The following MB21D2 variants were observed in gnomAD, a reference collection of about 807,000 sequenced individuals.
MB21D2 encodes the protein nucleotidyltransferase MB21D2.
In MB21D2, 9 loss-of-function variants were observed where a neutral mutation model predicts 33.3. That is an observed-to-expected ratio of 0.27 (90% CI 0.16 to 0.47). MB21D2 has a LOEUF of 0.47. Among genes scored for constraint, MB21D2 ranks in the 20% least tolerant of loss-of-function variants. The pLI is 0.99. For synonymous variants in MB21D2, 241 were observed against 236.3 expected, an observed-to-expected ratio of 1.02 and a Z score of -0.18; for missense variants, 540 against 624.6, an observed-to-expected ratio of 0.86 and a Z score of 1.44.
At chr3:192,809,364 G>C (rs777600034) in intron 1 of MB21D2, among the ~76,000 whole-genome samples, 2 of 152,138 alleles carry the variant, frequency 1.3e-5, no homozygotes, top group Non-Finnish European at 2.9e-5. Flanking sequence ...CAAAGTGCTG[G>C]GATTACAGGC....
chr3:192,848,468 C>G (rs1560238318), intron 1 of MB21D2, among the ~76,000 whole-genome samples: 1 of 152,218 alleles, frequency 6.6e-6, no homozygotes, highest in African/African-American at 2.4e-5. Context: ...AACTGTACTA[C>G]TATAGATGCA....
intron 1 of MB21D2, among the ~76,000 whole-genome samples, chr3:192,864,255 G>T (rs577532393): frequency 7.0e-4 from 106 of 152,282 alleles, no homozygotes; most frequent in Middle Eastern, 3.4e-3. Context: ...GATAAATGTG[G>T]GGAATAAGGA....
chr3:192,911,421 C>A (rs972381755), intron 1 of MB21D2, among the ~76,000 whole-genome samples: 1 of 152,160 alleles, frequency 6.6e-6, no homozygotes, highest in Non-Finnish European at 1.5e-5. Context: ...GCTCATTAGG[C>A]TCAGCAGCTT....
chr3:192,811,443 C>T (rs1044961642), intron 1 of MB21D2, among the ~76,000 whole-genome samples: 2 of 152,168 alleles, frequency 1.3e-5, no homozygotes, highest in East Asian at 1.9e-4. Flanking sequence ...ATATGGACAA[C>T]TGGCCATGAG....
At chr3:192,873,421 G>A (rs1019416088) in intron 1 of MB21D2, among the ~76,000 whole-genome samples, 5 of 152,068 alleles carry the variant, frequency 3.3e-5, no homozygotes, top group East Asian at 1.9e-4. Flanking sequence ...TCTCAGGACC[G>A]CAAGTAACCA....
At chr3:192,879,794 T>C (rs928850949) in intron 1 of MB21D2, among the ~76,000 whole-genome samples, 5 of 152,214 alleles carry the variant, frequency 3.3e-5, no homozygotes, top group African/African-American at 9.6e-5. Context: ...TTGCAGAGAA[T>C]ACCCATAGCG....
intron 1 of MB21D2, among the ~76,000 whole-genome samples, chr3:192,808,925 AAAG>A (rs1181730639): frequency 6.6e-6 from 1 of 152,256 alleles, no homozygotes; most frequent in Admixed American, 6.5e-5. Context: ...CATAACAGCA[AAAG>A]AAGAGCTGAG....
chr3:192,903,632 T>C (rs950319222), intron 1 of MB21D2, among the ~76,000 whole-genome samples: 1 of 152,210 alleles, frequency 6.6e-6, no homozygotes, highest in African/African-American at 2.4e-5. Context: ...ATAGTACTAA[T>C]AGAGTTTGGA....
At chr3:192,903,028 G>A (rs1343919260) in intron 1 of MB21D2, among the ~76,000 whole-genome samples, 3 of 152,206 alleles carry the variant, frequency 2.0e-5, no homozygotes, top group Admixed American at 1.3e-4. Flanking sequence ...AATACACCTT[G>A]CCTATGAGGC....
chr3:192,810,009 C>G (rs554443704), intron 1 of MB21D2, among the ~76,000 whole-genome samples: 2 of 152,194 alleles, frequency 1.3e-5, no homozygotes, highest in Non-Finnish European at 2.9e-5. Flanking sequence ...GTCATATCCC[C>G]TAAGTTTATA....
At position 192,797,494 on chromosome 3, in the gene MB21D2, G is replaced by C. The variant is rs183792216; in HGVS notation, c.*892C>G. The C allele has an allele frequency of 1.4e-4, 21 of 152,682 alleles. No individual in the cohort carries two copies. The highest frequency in any genetic ancestry group is 4.8e-4 in the African/African-American group (20 of 41,544). 9.5% of individuals were successfully genotyped at this position (152,682 alleles called of 1,614,324 possible). ...AAAGCAGGACCCCACAACTGAAGGA[G>C]AACTAAGCAAATGCAAAGAATCATT... On this transcript the variant is annotated 3_prime_UTR_variant, in exon 2 of 2. Coordinates refer to ENST00000392452, the MANE Select transcript of MB21D2 (RefSeq NM_178496.4).
At chr3:192,895,386 CTAATA>C (rs1713943908) in intron 1 of MB21D2, among the ~76,000 whole-genome samples, 1 of 152,186 alleles carries the variant, frequency 6.6e-6, no homozygotes, top group African/African-American at 2.4e-5. Flanking sequence ...GTAAAAATTA[CTAATA>C]TAAGCATCCG....
intron 1 of MB21D2, among the ~76,000 whole-genome samples, chr3:192,874,049 C>T (rs747900364): frequency 1.2e-4 from 19 of 152,166 alleles, no homozygotes; most frequent in Non-Finnish European, 1.8e-4. Context: ...TTAAAAATGT[C>T]TGTTGATTCC....
intron 1 of MB21D2, among the ~76,000 whole-genome samples, chr3:192,808,934 C>T (rs908901696): frequency 3.9e-5 from 6 of 152,248 alleles, no homozygotes; most frequent in African/African-American, 1.4e-4. Context: ...AAAAGAAGAG[C>T]TGAGTTTATA....
Position 192,836,642 on chromosome 3 carries a change from C to T in MB21D2, c.212-36992G>A, listed in dbSNP as rs189826051. On this transcript the variant is annotated intron_variant, in intron 1 of 1. Transcript: ENST00000392452. ...GGGGCCTCAGGAGAAACCACACCTA[C>T]TGACACCTTGAACTTAGACTTCCAG... Among the ~76,000 whole-genome samples the T allele has an allele frequency of 3.9e-3, 589 of 152,290 alleles. 3 individuals carry two copies. The highest frequency in any genetic ancestry group is 0.013 in the African/African-American group (557 of 41,562).
intron 1 of MB21D2, among the ~76,000 whole-genome samples, chr3:192,874,155 C>T (rs1560246442): frequency 6.6e-6 from 1 of 152,140 alleles, no homozygotes; most frequent in Non-Finnish European, 1.5e-5. Context: ...GGGGGTCTAG[C>T]AATTTCTCTC....
chr3:192,851,491 G>GTTTTTTTTGTTTTTTTTTT (rs1712803878), intron 1 of MB21D2, among the ~76,000 whole-genome samples: 1 of 97,624 alleles, frequency 1.0e-5, no homozygotes, highest in Non-Finnish European at 1.9e-5. Context: ...TTTTTTGTCT[G>GTTTTTTTTGTTTTTTTTTT]TTTTTTTTTT....
chr3:192,882,801 C>A (rs532117526), intron 1 of MB21D2, among the ~76,000 whole-genome samples: 2 of 151,522 alleles, frequency 1.3e-5, no homozygotes, highest in South Asian at 4.2e-4. Flanking sequence ...ATGGCACGAT[C>A]TTGGCTCACT....
intron 1 of MB21D2, among the ~76,000 whole-genome samples, chr3:192,816,662 G>T (rs1711932742): frequency 6.6e-6 from 1 of 152,176 alleles, no homozygotes; most frequent in Non-Finnish European, 1.5e-5. Flanking sequence ...GTCACGATGG[G>T]ATGTCACATC....
Sources: allele counts gnomAD v4.1 joint callset (sites outside exome capture counted in the v4.1 genomes callset), GRCh38; gene constraint gnomAD v4.1.1; transcripts MANE v1.5; gene names NCBI Gene and HGNC (gene_info 2026-07-23, HGNC 2026-07-21).